The following SLC25A26 variants were observed in gnomAD, a reference collection of about 807,000 sequenced individuals.
SLC25A26 encodes solute carrier family 25 member 26, also known as mitochondrial S-adenosylmethionine carrier protein.
Under a neutral mutation model 37.8 loss-of-function variants are expected in SLC25A26, and 36 were observed. That is an observed-to-expected ratio of 0.95 (90% confidence interval 0.73 to 1.26). SLC25A26 has a LOEUF of 1.26. Ranked by LOEUF, SLC25A26 falls within the 50% of genes most tolerant of loss-of-function variation. The pLI is 0.00. For missense variants in SLC25A26, 390 were observed against 331.1 expected (o/e 1.18, Z -1.38); for synonymous variants, 129 against 122.5 (o/e 1.05, Z -0.35).
intron 9 of SLC25A26, 122 bp from the exon 10 acceptor site, chr3:66,377,568 C>G: frequency 1.4e-6 from 1 of 691,528 alleles, no homozygotes; most frequent in Non-Finnish European, 2.5e-6. Flanking sequence ...GGAGCGTTCA[C>G]AAGCTGTTTG....
chr3:66,254,036 C>T (rs1327573091), intron 3 of SLC25A26, among the ~76,000 whole-genome samples: 3 of 152,094 alleles, frequency 2.0e-5, no homozygotes, highest in Admixed American at 6.6e-5. Context: ...TCTTGTCAGG[C>T]GAGGGAAGAC....
At chr3:66,252,599 A>G (rs937704102) in intron 3 of SLC25A26, among the ~76,000 whole-genome samples, 3 of 152,228 alleles carry the variant, frequency 2.0e-5, no homozygotes, top group African/African-American at 7.2e-5. Flanking sequence ...ATGAAATTAT[A>G]CAGCACTTAA....
chr3:66,188,035 A>G (rs1272316261), intron 1 of SLC25A26, among the ~76,000 whole-genome samples: 1 of 152,038 alleles, frequency 6.6e-6, no homozygotes, highest in Admixed American at 6.6e-5. Context: ...TTAGAACCCT[A>G]TCCTCATGAT....
chr3:66,179,630 A>T (rs895043880), intron 1 of SLC25A26, among the ~76,000 whole-genome samples: 1 of 152,200 alleles, frequency 6.6e-6, no homozygotes, highest in Admixed American at 6.5e-5. Context: ...AAGTTCAACT[A>T]TACTTCTATA....
At chr3:66,149,263 A>G (rs2070165119) in intron 1 of SLC25A26, among the ~76,000 whole-genome samples, 1 of 152,188 alleles carries the variant, frequency 6.6e-6, no homozygotes, top group Non-Finnish European at 1.5e-5. Context: ...GGAGTTAGGC[A>G]GCTTAGGAGT....
At chr3:66,174,758 C>T (rs1200900344) in intron 1 of SLC25A26, among the ~76,000 whole-genome samples, 3 of 151,264 alleles carry the variant, frequency 2.0e-5, no homozygotes, top group African/African-American at 7.3e-5. Context: ...TGCACTCCAG[C>T]CTGGGCTACA....
chr3:66,371,063 A>C (rs1480898735), intron 9 of SLC25A26: 1 of 1,290,356 alleles, frequency 7.7e-7, no homozygotes, highest in South Asian at 1.9e-5. Flanking sequence ...ATTGTGCTAC[A>C]GAAGTGCCTC....
intron 5 of SLC25A26, among the ~76,000 whole-genome samples, chr3:66,280,406 CCAGT>C (rs531126632): frequency 3.3e-5 from 5 of 152,100 alleles, no homozygotes; most frequent in Non-Finnish European, 7.4e-5. Context: ...GTCATGATTC[CCAGT>C]CAATCTGTAA....
At chr3:66,264,746 G>T (rs973127195) in intron 5 of SLC25A26, among the ~76,000 whole-genome samples, 1 of 152,180 alleles carries the variant, frequency 6.6e-6, no homozygotes, top group Admixed American at 6.5e-5. Flanking sequence ...GGGACCGCTG[G>T]TTTAAGAGGT....
At chr3:66,263,802 G>A (rs1012079993) in intron 5 of SLC25A26, among the ~76,000 whole-genome samples, 3 of 152,066 alleles carry the variant, frequency 2.0e-5, no homozygotes, top group Non-Finnish European at 2.9e-5. Context: ...GGGACCACGG[G>A]TGCCCACCAG....
chr3:66,196,318 T>C (rs1367373605), intron 1 of SLC25A26, among the ~76,000 whole-genome samples: 1 of 152,212 alleles, frequency 6.6e-6, no homozygotes, highest in Non-Finnish European at 1.5e-5. Flanking sequence ...ATCTATGCAC[T>C]CAACTTGTCA....
At chr3:66,185,116 C>G (rs2070800462) in intron 1 of SLC25A26, among the ~76,000 whole-genome samples, 1 of 152,196 alleles carries the variant, frequency 6.6e-6, no homozygotes, top group African/African-American at 2.4e-5. Context: ...ACAACTCCCT[C>G]TTTTTTCCTT....
chr3:66,314,415 T>A (rs1438790347), intron 5 of SLC25A26, among the ~76,000 whole-genome samples: 1 of 152,174 alleles, frequency 6.6e-6, no homozygotes, highest in Non-Finnish European at 1.5e-5. Context: ...TGATGAATTA[T>A]GTTTATTGAT....
At chr3:66,271,155 G>C (rs769654889) in intron 5 of SLC25A26, among the ~76,000 whole-genome samples, 1 of 152,140 alleles carries the variant, frequency 6.6e-6, no homozygotes, top group Non-Finnish European at 1.5e-5. Context: ...CTTTGTTGTT[G>C]TTCCTTTGTG....
chr3:66,365,948 C>T (rs1239608263), intron 7 of SLC25A26, among the ~76,000 whole-genome samples: 2 of 152,198 alleles, frequency 1.3e-5, no homozygotes, highest in Non-Finnish European at 2.9e-5. Context: ...CCCACATTCT[C>T]AGCCACTGCT....
chr3:66,236,906 A>G (rs1056616655), intron 2 of SLC25A26, among the ~76,000 whole-genome samples: 5 of 152,158 alleles, frequency 3.3e-5, no homozygotes, highest in Non-Finnish European at 7.3e-5. Context: ...GTGAGATAAT[A>G]GCTAACTGCA....
At chr3:66,366,353 T>TA (rs1055889968) in intron 7 of SLC25A26, among the ~76,000 whole-genome samples, 26 of 152,348 alleles carry the variant, frequency 1.7e-4, no homozygotes, top group African/African-American at 6.3e-4. Flanking sequence ...CCTTCCCCGT[T>TA]ATGACCATTA....
At chr3:66,277,812 A>T (rs2074207986) in intron 5 of SLC25A26, among the ~76,000 whole-genome samples, 1 of 152,136 alleles carries the variant, frequency 6.6e-6, no homozygotes, top group Non-Finnish European at 1.5e-5. Flanking sequence ...TAATGCACCA[A>T]GAAGGACACA....
chr3:66,149,438 A>G (rs1011418129), intron 1 of SLC25A26, among the ~76,000 whole-genome samples: 1 of 152,204 alleles, frequency 6.6e-6, no homozygotes, highest in Admixed American at 6.5e-5. Context: ...TTTATGTGCC[A>G]ACAAATTTTC....
Sources: gnomAD v4.1 joint callset for allele counts (sites outside exome capture counted in the v4.1 genomes callset) on GRCh38, gnomAD v4.1.1 for gene constraint, MANE v1.5 for transcripts, NCBI Gene and HGNC (gene_info 2026-07-23, HGNC 2026-07-21) for gene names.